KCNJ6: variants seen among roughly 807,000 people sequenced by gnomAD.
KCNJ6 encodes G protein-activated inward rectifier potassium channel 2.
KCNJ6 carries 9 observed loss-of-function variants against 34.2 expected under a neutral mutation model. The observed-to-expected ratio is 0.26, with a 90% confidence interval of 0.16 to 0.46. The LOEUF (loss-of-function observed/expected upper bound fraction) is 0.46, where lower values mean the gene tolerates loss of function less well. KCNJ6 is among the 20% of genes least tolerant of loss of function. The pLI, the probability that KCNJ6 is intolerant of heterozygous loss-of-function variation, is 1.00. For synonymous variants in KCNJ6, 196 were observed against 207.1 expected (o/e 0.95, Z 0.46); for missense variants, 236 against 531.3 (o/e 0.44, Z 5.46).
chr21:37,802,900 A>C (rs2055275958), intron 2 of KCNJ6, among the ~76,000 whole-genome samples: 1 of 152,122 alleles, frequency 6.6e-6, no homozygotes, highest in Non-Finnish European at 1.5e-5. Flanking sequence ...CGGTGATAGC[A>C]CTGCAGGTAT....
chr21:37,691,320 G>C (rs1218887306), intron 3 of KCNJ6, among the ~76,000 whole-genome samples: 1 of 152,172 alleles, frequency 6.6e-6, no homozygotes, highest in African/African-American at 2.4e-5. Context: ...TCATTTACTA[G>C]ACTGGAAGTG....
chr21:37,789,267 C>T (rs933002438), intron 2 of KCNJ6, among the ~76,000 whole-genome samples: 1 of 152,200 alleles, frequency 6.6e-6, no homozygotes, highest in Non-Finnish European at 1.5e-5. Flanking sequence ...AGACTCAACC[C>T]CCAGTGTGAC....
At chr21:37,761,752 GTGTA>G (rs1227696684) in intron 2 of KCNJ6, among the ~76,000 whole-genome samples, 1 of 151,548 alleles carries the variant, frequency 6.6e-6, no homozygotes, top group Non-Finnish European at 1.5e-5. Flanking sequence ...TGTGGTATGT[GTGTA>G]TGTGTTGTGT....
At chr21:37,745,876 G>A (rs572118009) in intron 2 of KCNJ6, among the ~76,000 whole-genome samples, 2 of 152,258 alleles carry the variant, frequency 1.3e-5, no homozygotes, top group African/African-American at 4.8e-5. Flanking sequence ...CGGTGTGTTC[G>A]CTGGGGCAGC....
intron 2 of KCNJ6, among the ~76,000 whole-genome samples, chr21:37,798,215 G>T (rs1271069834): frequency 6.6e-6 from 1 of 152,192 alleles, no homozygotes; most frequent in Non-Finnish European, 1.5e-5. Context: ...TTGGTGGGTG[G>T]TTGAGGCAGG....
chr21:37,871,335 A>C (rs1188739487), intron 1 of KCNJ6, among the ~76,000 whole-genome samples: 1 of 152,158 alleles, frequency 6.6e-6, no homozygotes, highest in Non-Finnish European at 1.5e-5. Context: ...CACCGTAATC[A>C]CAGACGAATG....
intron 1 of KCNJ6, among the ~76,000 whole-genome samples, chr21:37,875,000 A>G (rs1222125351): frequency 2.0e-5 from 3 of 152,112 alleles, no homozygotes; most frequent in African/African-American, 7.2e-5. Context: ...GTTCTGCTCC[A>G]AACCTCTTTC....
Position 37,714,785 on chromosome 21 carries a change from T to C in KCNJ6, c.372A>G (p.Ile124Met), listed in dbSNP as rs747245357. 5 of 1,614,086 alleles carry C rather than the reference T, an allele frequency of 3.1e-6. No individual in the cohort carries two copies. The highest frequency in any genetic ancestry group is 3.3e-5 in the Admixed American group (2 of 60,010). ...CACAAGGAGTCCAGGAGGGGTCCTC[T>C]ATGTGGTCCATGTCTCCCCGTATGT... ...IAYIRGDMDH[I>M]EDPSWTPCVT... Residue 124 changes from isoleucine to methionine, a missense_variant, in exon 3 of 4, where the codon ATA becomes ATG. Physicochemically the swap from Ile to Met is conservative, Grantham distance 10. This residue lies in a region of KCNJ6 where 68 missense variants were observed against 165.7 expected (regional missense o/e 0.41). Transcript: ENST00000609713. The surrounding 1 kb of genome is among the most constrained non-coding windows in gnomAD (Gnocchi z 5.9).
At chr21:37,796,788 T>TC (rs1568851880) in intron 2 of KCNJ6, among the ~76,000 whole-genome samples, 2 of 129,744 alleles carry the variant, frequency 1.5e-5, no homozygotes, top group Non-Finnish European at 3.3e-5. Context: ...TCTTTTTTTT[T>TC]TTTTTTTTTT....
At chr21:37,643,057 T>C (rs1034389206) in intron 3 of KCNJ6, among the ~76,000 whole-genome samples, 1 of 152,064 alleles carries the variant, frequency 6.6e-6, no homozygotes, top group African/African-American at 2.4e-5. Context: ...TATAGAGCTA[T>C]GGGTGGTGGG....
intron 2 of KCNJ6, among the ~76,000 whole-genome samples, chr21:37,763,212 C>T (rs1174482508): frequency 5.3e-5 from 8 of 152,180 alleles, no homozygotes; most frequent in Admixed American, 5.2e-4. Context: ...CAGCTCCCAC[C>T]TTGTCCCACG....
intron 3 of KCNJ6, among the ~76,000 whole-genome samples, chr21:37,636,013 T>C (rs1259878630): frequency 6.6e-6 from 1 of 152,202 alleles, no homozygotes; most frequent in African/African-American, 2.4e-5. Context: ...ACGTATTTGG[T>C]GGTGGGTAGG....
At chr21:37,833,945 G>A (rs1017941312) in intron 2 of KCNJ6, among the ~76,000 whole-genome samples, 18 of 152,116 alleles carry the variant, frequency 1.2e-4, no homozygotes, top group Non-Finnish European at 2.9e-5. Flanking sequence ...TTCTAGCCCT[G>A]GGGTGTCTCG....
At chr21:37,667,045 C>T (rs2054517086) in intron 3 of KCNJ6, among the ~76,000 whole-genome samples, 1 of 150,408 alleles carries the variant, frequency 6.6e-6, no homozygotes. Context: ...GCTAGGAAAA[C>T]CGGAGACCTT....
In KCNJ6 at chr21:37,752,055, A is replaced by G. The variant is rs1315305446; in HGVS notation, c.26-36924T>C. Among the ~76,000 whole-genome samples, 6 of 152,328 alleles carry G rather than the reference A, an allele frequency of 3.9e-5. No individual in the cohort carries two copies. The East Asian group carries it at 1.2e-3, about 29-fold the overall frequency. On this transcript the variant is annotated intron_variant, in intron 2 of 3. Transcript: ENST00000609713. ...AATGTACAGAATCTTGTTACTGTGCAGATTTGAGTCAGCCTTTGATGACTA... is the reference window on the plus strand; with the variant it reads ...AATGTACAGAATCTTGTTACTGTGCGGATTTGAGTCAGCCTTTGATGACTA...
intron 1 of KCNJ6, among the ~76,000 whole-genome samples, chr21:37,879,041 G>A (rs2055693399): frequency 6.6e-6 from 1 of 152,184 alleles, no homozygotes; most frequent in African/African-American, 2.4e-5. Context: ...TAAAGGAGAT[G>A]ATTGAGAAAG....
chr21:37,634,625 G>T (rs2054348785), intron 3 of KCNJ6, among the ~76,000 whole-genome samples: 1 of 151,158 alleles, frequency 6.6e-6, no homozygotes, highest in South Asian at 2.1e-4. Context: ...ACACATGCAG[G>T]GTCTAATATA....
At chr21:37,903,555 T>G (rs2055826873) in intron 1 of KCNJ6, among the ~76,000 whole-genome samples, 1 of 152,192 alleles carries the variant, frequency 6.6e-6, no homozygotes, top group East Asian at 1.9e-4. Flanking sequence ...TGATTGGATC[T>G]GTTTTGTGGT....
chr21:37,634,491 A>G (rs978791381), intron 3 of KCNJ6, among the ~76,000 whole-genome samples: 5 of 152,212 alleles, frequency 3.3e-5, no homozygotes. Flanking sequence ...ATTCCTTTAT[A>G]GTAACACAAT....
Sources: allele counts gnomAD v4.1 joint callset (sites outside exome capture counted in the v4.1 genomes callset), GRCh38; gene constraint gnomAD v4.1.1; regional missense constraint gnomAD v4.1.1; non-coding constraint Gnocchi (gnomAD v3.1); transcripts MANE v1.5; gene names NCBI Gene and HGNC (gene_info 2026-07-23, HGNC 2026-07-21).